The following PCDHA3 variants were observed in gnomAD, a reference collection of about 807,000 sequenced individuals.
The protein encoded by PCDHA3 is protocadherin alpha 3, also known as protocadherin alpha-3.
A neutral mutation model predicts 62.2 loss-of-function variants in PCDHA3; 41 were observed. The observed-to-expected ratio is 0.66, with a 90% CI of 0.51 to 0.86. The LOEUF is 0.86. Ranked by LOEUF, PCDHA3 falls within the 40% of genes least tolerant of loss-of-function variation. The probability of loss-of-function intolerance (pLI) is 0.00; values close to 1 mark genes in which losing one functional copy is unlikely to be tolerated. For missense variants in PCDHA3, 1,304 were observed against 1,241.2 expected, an observed-to-expected ratio of 1.05 and a Z score of -0.76; for synonymous variants, 640 against 555.4, an observed-to-expected ratio of 1.15 and a Z score of -2.14.
chr5:140,940,736 A>G (rs1554213579), intron 1 of PCDHA3, among the ~76,000 whole-genome samples: 1 of 152,200 alleles, frequency 6.6e-6, no homozygotes, highest in Non-Finnish European at 1.5e-5. Flanking sequence ...GGACAGCTCC[A>G]TATTTTTATG....
chr5:141,001,749 T>C (rs1554258292), intron 3 of PCDHA3, among the ~76,000 whole-genome samples: 1 of 152,090 alleles, frequency 6.6e-6, no homozygotes, highest in African/African-American at 2.4e-5. Flanking sequence ...GCTGTTTCAG[T>C]GGTTGATGGC....
chr5:140,813,642 T>G (rs1554126262), intron 1 of PCDHA3: 2 of 152,226 alleles, frequency 1.3e-5, no homozygotes. Context: ...GACATTACTG[T>G]GCACTAATGT....
intron 1 of PCDHA3, chr5:140,850,039 G>A (rs1554143677): frequency 1.3e-6 from 2 of 1,596,568 alleles, no homozygotes; most frequent in African/African-American, 2.7e-5. Flanking sequence ...GCGGAGAGCG[G>A]CAAGGTGTAC....
chr5:140,888,003 A>G (rs1187660261), intron 1 of PCDHA3, among the ~76,000 whole-genome samples: 1 of 152,112 alleles, frequency 6.6e-6, no homozygotes, highest in African/African-American at 2.4e-5. Context: ...CCGAATAGTC[A>G]TCTTTTTATC....
In PCDHA3 at chr5:140,927,497, T is replaced by G. The variant is rs199998669; in HGVS notation, c.2395-51452T>G. ...GAACAGCGCGCCACCCACCTGCTGGTGCTTACAGCTCGGGACGGCGGGCTA... is the reference window on the plus strand; with the variant it reads ...GAACAGCGCGCCACCCACCTGCTGGGGCTTACAGCTCGGGACGGCGGGCTA... On this transcript the variant is annotated intron_variant, in intron 1 of 3. Coordinates refer to ENST00000522353, the MANE Select transcript of PCDHA3 (RefSeq NM_018906.3). The G allele has an allele frequency of 2.0e-4, 325 of 1,614,094 alleles. No homozygotes were observed. The highest frequency in any genetic ancestry group is 2.6e-4 in the Non-Finnish European group (305 of 1,180,030).
Position 140,857,640 on chromosome 5 carries a change from A to T in PCDHA3, c.2394+54049A>T, listed in dbSNP as rs1554150415. The T allele has an allele frequency of 1.3e-6, 2 of 1,596,722 alleles. 1 individual carries two copies. The highest frequency in any genetic ancestry group is 3.4e-5 in the Admixed American group (2 of 59,300). On this transcript the variant is annotated intron_variant, in intron 1 of 3. Coordinates refer to ENST00000522353, the MANE Select transcript of PCDHA3 (RefSeq NM_018906.3). The stretch of plus-strand genomic sequence containing the variant: ...GACCACGAGGAGCTGGAGCTGCTAC[A>T]GTTCCAGGTGAGCGCGCGCGATGGG...
chr5:140,903,902 A>G lies in PCDHA3; in HGVS notation c.2395-75047A>G, dbSNP rs548056424. Among the ~76,000 whole-genome samples the G allele has an allele frequency of 5.9e-5, 9 of 152,370 alleles. No individual in the cohort carries two copies. The South Asian group carries it at 1.9e-3, about 32-fold the overall frequency. On this transcript the variant is annotated intron_variant, in intron 1 of 3. Transcript: ENST00000522353. ...ACATTGAATCTTGACCTGTTTGTCA[A>G]TGATGTGACTTCCTTGCTGCATTGG...
At position 140,827,869 on chromosome 5, in the gene PCDHA3, C is replaced by T; in HGVS notation, c.2394+24278C>T. ...TGTTTTAAAAATATATGGTATAGCA[C>T]TGTTACGTGAATTGATTTCTTACCT... On this transcript the variant is annotated intron_variant, in intron 1 of 3. Coordinates refer to ENST00000522353, the MANE Select transcript of PCDHA3 (RefSeq NM_018906.3). 8.0e-6 allele frequency: 5 copies of T among 625,262 alleles called. No individual in the cohort carries two copies. In the South Asian group the frequency reaches 8.1e-5, roughly 10 times the overall value. The allele number at this position is 625,262 out of a possible 1,614,324, so 38.7% of individuals were successfully genotyped here.
At chr5:140,834,565 C>T (rs2150221167) in intron 1 of PCDHA3, 4 of 1,614,086 alleles carry the variant, frequency 2.5e-6, no homozygotes, top group Admixed American at 1.7e-5. Flanking sequence ...GAGCTGGTGC[C>T]GCGCCTGTTC....
intron 1 of PCDHA3, among the ~76,000 whole-genome samples, chr5:140,878,853 A>G (rs565644052): frequency 1.3e-5 from 2 of 152,352 alleles, no homozygotes; most frequent in East Asian, 3.9e-4. Context: ...TCTGGGTTCA[A>G]CTGATCCTCC....
intron 1 of PCDHA3, chr5:140,926,974 G>T (rs145276602): frequency 2.2e-4 from 360 of 1,610,140 alleles, no homozygotes; most frequent in Middle Eastern, 1.2e-3. Context: ...CTCAGTGCCG[G>T]AGGAGACGGA....
chr5:140,915,876 G>A (rs1373834228), intron 1 of PCDHA3, among the ~76,000 whole-genome samples: 1 of 152,136 alleles, frequency 6.6e-6, no homozygotes, highest in East Asian at 1.9e-4. Context: ...CTTCCCTTTA[G>A]GGTAGCAAGT....
At chr5:140,861,267 A>G (rs1251447795) in intron 1 of PCDHA3, 4 of 174,546 alleles carry the variant, frequency 2.3e-5, no homozygotes, top group African/African-American at 9.5e-5. Context: ...CGGAGCCTAC[A>G]GCACTGGCTT....
intron 1 of PCDHA3, chr5:140,810,407 C>A (rs1486958299): frequency 6.6e-6 from 1 of 152,276 alleles, no homozygotes; most frequent in East Asian, 1.9e-4. Flanking sequence ...GTAGCTAACA[C>A]CAACCAATTT....
intron 1 of PCDHA3, among the ~76,000 whole-genome samples, chr5:140,892,396 T>G (rs1263522999): frequency 1.3e-5 from 2 of 152,212 alleles, no homozygotes; most frequent in Non-Finnish European, 2.9e-5. Context: ...TCTTAATCTA[T>G]TTCAAGCTTC....
At chr5:140,962,673 C>T (rs1409804701) in intron 1 of PCDHA3, among the ~76,000 whole-genome samples, 2 of 152,164 alleles carry the variant, frequency 1.3e-5, no homozygotes, top group African/African-American at 4.8e-5. Flanking sequence ...TTCCCATCCA[C>T]TGGATGTTTT....
At position 140,969,226 on chromosome 5, in the gene PCDHA3, G is replaced by A. The variant is rs145631723; in HGVS notation, c.2395-9723G>A. 3.9e-4 allele frequency: 622 copies of A among 1,614,150 alleles called. 3 individuals are homozygous for A. The African/African-American group carries it at 5.9e-3, about 15-fold the overall frequency. On this transcript the variant is annotated intron_variant, in intron 1 of 3. Transcript: ENST00000522353. Reference sequence around the variant, plus strand: ...GGGCCCAGACAGGACCAGGGCCTTCGGGAGCCCAAGCAGCAGTGACTGACA... The same window carrying A: ...GGGCCCAGACAGGACCAGGGCCTTCAGGAGCCCAAGCAGCAGTGACTGACA...
At chr5:140,976,970 C>A (rs1294728864) in intron 1 of PCDHA3, among the ~76,000 whole-genome samples, 3 of 152,140 alleles carry the variant, frequency 2.0e-5, no homozygotes, top group African/African-American at 7.2e-5. Context: ...CTTTCCTTTT[C>A]CCTGCCTGAT....
At chr5:140,870,657 G>T (rs782619046) in intron 1 of PCDHA3, 1 of 1,612,514 alleles carries the variant, frequency 6.2e-7, no homozygotes, top group Non-Finnish European at 8.5e-7. Context: ...AGGTGTACGC[G>T]CTGCAGCCGT....
Sources: allele counts gnomAD v4.1 joint callset (sites outside exome capture counted in the v4.1 genomes callset), GRCh38; gene constraint gnomAD v4.1.1; transcripts MANE v1.5; gene names NCBI Gene and HGNC (gene_info 2026-07-23, HGNC 2026-07-21).